The following BBS9 variants were observed in gnomAD, a reference collection of about 807,000 sequenced individuals.
The protein encoded by BBS9 is protein PTHB1.
Under a neutral mutation model 117.7 loss-of-function variants are expected in BBS9, and 89 were observed. That is an observed-to-expected ratio of 0.76 (90% CI 0.64 to 0.90). The LOEUF (loss-of-function observed/expected upper bound fraction) is 0.90. Among genes scored for constraint, BBS9 ranks in the 40% least tolerant of loss-of-function variants. BBS9 has a pLI of 0.00. For synonymous variants in BBS9, 379 were observed against 370.9 expected (o/e 1.02, Z -0.25); for missense variants, 982 against 1,042.2 (o/e 0.94, Z 0.80).
At chr7:33,430,176 A>G (rs78177414) in intron 19 of BBS9, among the ~76,000 whole-genome samples, 345 of 152,316 alleles carry the variant, frequency 2.3e-3, no homozygotes, top group African/African-American at 8.1e-3. Flanking sequence ...GAAAAAAGCT[A>G]GATATGGTCT....
At chr7:33,469,849 A>G (rs1048039411) in intron 19 of BBS9, among the ~76,000 whole-genome samples, 2 of 152,138 alleles carry the variant, frequency 1.3e-5, no homozygotes, top group African/African-American at 4.8e-5. Context: ...CTTTGCTTCC[A>G]CTTTACCTCA....
At chr7:33,283,953 C>T (rs1357896820) in intron 9 of BBS9, among the ~76,000 whole-genome samples, 1 of 152,146 alleles carries the variant, frequency 6.6e-6, no homozygotes, top group Non-Finnish European at 1.5e-5. Context: ...CCCCTAACGG[C>T]CCCTGTCACA....
chr7:33,505,030 G>GA lies in BBS9; in HGVS notation c.2116-427dup, dbSNP rs573196141. Among the ~76,000 whole-genome samples the GA allele has an allele frequency of 5.0e-3, 768 of 152,082 alleles. 2 individuals are homozygous for GA. Among genetic ancestry groups the GA allele is most frequent in the Non-Finnish European group, 8.2e-3 (559 of 67,958 alleles). The stretch of plus-strand genomic sequence containing the variant: ...TAATATTAGAGGAAAGCGATGTTCT[G>GA]AAAAAAGTGTAATGAAGTTATTTTG... On this transcript the variant is annotated intron_variant, in intron 19 of 22. Coordinates refer to ENST00000242067, the MANE Select transcript of BBS9 (RefSeq NM_198428.3).
At chr7:33,469,986 T>C (rs562245558) in intron 19 of BBS9, among the ~76,000 whole-genome samples, 2 of 152,344 alleles carry the variant, frequency 1.3e-5, no homozygotes, top group African/African-American at 4.8e-5. Flanking sequence ...ACTATAACTA[T>C]TAATAGCAGA....
At chr7:33,594,214 T>G (rs1418480339) in intron 21 of BBS9, among the ~76,000 whole-genome samples, 1 of 152,126 alleles carries the variant, frequency 6.6e-6, no homozygotes, top group Non-Finnish European at 1.5e-5. Context: ...TTATCTCTGC[T>G]CTGAGGTGTG....
chr7:33,457,465 T>C (rs923508364), intron 19 of BBS9, among the ~76,000 whole-genome samples: 5 of 152,158 alleles, frequency 3.3e-5, no homozygotes, highest in African/African-American at 1.2e-4. Context: ...TCTTGGGTCT[T>C]GGTCATGTTA....
chr7:33,135,457 C>G (rs540846817), intron 1 of BBS9, among the ~76,000 whole-genome samples: 1 of 152,174 alleles, frequency 6.6e-6, no homozygotes, highest in Non-Finnish European at 1.5e-5. Flanking sequence ...TTTGAATGAT[C>G]GTGGCACCTT....
chr7:33,519,001 T>C (rs1304409845), intron 20 of BBS9, among the ~76,000 whole-genome samples: 1 of 152,020 alleles, frequency 6.6e-6, no homozygotes, highest in African/African-American at 2.4e-5. Context: ...TTGGCGGTCT[T>C]GATCAAGAGA....
intron 21 of BBS9, among the ~76,000 whole-genome samples, chr7:33,545,180 G>A (rs575366438): frequency 3.3e-5 from 5 of 152,270 alleles, no homozygotes; most frequent in East Asian, 1.9e-4. Context: ...CTGCATGCCC[G>A]ATTTGTGCCC....
At chr7:33,320,659 C>A (rs1265506126) in intron 9 of BBS9, among the ~76,000 whole-genome samples, 1 of 152,048 alleles carries the variant, frequency 6.6e-6, no homozygotes, top group Non-Finnish European at 1.5e-5. Context: ...TTTTGAGGAA[C>A]TTTGAAACTG....
At chr7:33,287,215 T>A (rs1362000492) in intron 9 of BBS9, among the ~76,000 whole-genome samples, 1 of 152,212 alleles carries the variant, frequency 6.6e-6, no homozygotes, top group Admixed American at 6.5e-5. Context: ...TTTTATTGCT[T>A]GCTATGCACT....
At chr7:33,254,994 T>C (rs1796802661) in intron 5 of BBS9, among the ~76,000 whole-genome samples, 5 of 151,628 alleles carry the variant, frequency 3.3e-5, no homozygotes, top group Admixed American at 2.6e-4. Flanking sequence ...TTGCCCATTT[T>C]TGAATTGGTT....
At chr7:33,508,951 T>C (rs1846527813) in intron 20 of BBS9, among the ~76,000 whole-genome samples, 2 of 152,212 alleles carry the variant, frequency 1.3e-5, no homozygotes, top group African/African-American at 4.8e-5. Flanking sequence ...GTGAATGGAC[T>C]TAGTCTCTCC....
chr7:33,528,149 G>A (rs959651246), intron 20 of BBS9, among the ~76,000 whole-genome samples: 3 of 152,042 alleles, frequency 2.0e-5, no homozygotes, highest in African/African-American at 2.4e-5. Context: ...ATCTATTGAA[G>A]AGGAAATTTT....
intron 12 of BBS9, among the ~76,000 whole-genome samples, chr7:33,346,795 G>T (rs771653264): frequency 5.9e-5 from 9 of 152,154 alleles, no homozygotes; most frequent in Admixed American, 5.2e-4. Flanking sequence ...GTTGTGCCAG[G>T]AAAAGCCAGA....
chr7:33,532,740 T>C (rs1003521985), intron 20 of BBS9, among the ~76,000 whole-genome samples: 14 of 152,144 alleles, frequency 9.2e-5, no homozygotes, highest in African/African-American at 3.4e-4. Context: ...CTTATCTGAT[T>C]TGCATATTTG....
At chr7:33,583,086 C>G (rs186563257) in intron 21 of BBS9, among the ~76,000 whole-genome samples, 61 of 152,240 alleles carry the variant, frequency 4.0e-4, no homozygotes, top group African/African-American at 1.5e-3. Flanking sequence ...TTTTCTAAGA[C>G]TAACCTTACC....
At chr7:33,530,012 T>C (rs1563312789) in intron 20 of BBS9, among the ~76,000 whole-genome samples, 1 of 152,232 alleles carries the variant, frequency 6.6e-6, no homozygotes, top group Non-Finnish European at 1.5e-5. Context: ...ACCTTTAAGG[T>C]ACTTCTCACA....
intron 20 of BBS9, among the ~76,000 whole-genome samples, chr7:33,522,590 G>C (rs1257154682): frequency 3.9e-5 from 6 of 152,110 alleles, no homozygotes; most frequent in Non-Finnish European, 8.8e-5. Flanking sequence ...TTTTTGATGG[G>C]GTTGTTTGTT....
Sources: allele counts gnomAD v4.1 joint callset (sites outside exome capture counted in the v4.1 genomes callset), GRCh38; gene constraint gnomAD v4.1.1; transcripts MANE v1.5; gene names NCBI Gene and HGNC (gene_info 2026-07-23, HGNC 2026-07-21).